The following SH3BGRL variants were observed in gnomAD, a reference collection of about 807,000 sequenced individuals.
SH3BGRL encodes adapter SH3BGRL.
SH3BGRL carries 7 observed loss-of-function variants against 9.8 expected under a neutral mutation model. The ratio of observed to expected loss-of-function variants is 0.72; its 90% CI spans 0.41 to 1.35. SH3BGRL has a LOEUF of 1.35. Ranked by LOEUF, SH3BGRL falls within the 40% of genes most tolerant of loss-of-function variation. The pLI is 0.01. For missense variants in SH3BGRL, 73 were observed against 84.4 expected, an observed-to-expected ratio of 0.86 and a Z score of 0.53; for synonymous variants, 36 against 29.1, an observed-to-expected ratio of 1.24 and a Z score of -0.76.
At chrX:81,295,365 A>G (rs1185011138) in intron 3 of SH3BGRL, among the ~76,000 whole-genome samples, 1 of 111,310 alleles carries the variant, frequency 9.0e-6, no homozygotes, top group Non-Finnish European at 1.9e-5. Context: ...GTAGTGAATA[A>G]ATCTCACCAG....
At chrX:81,250,738 A>G (rs893720814) in intron 1 of SH3BGRL, among the ~76,000 whole-genome samples, 2 of 112,132 alleles carry the variant, frequency 1.8e-5, no homozygotes, top group Non-Finnish European at 3.8e-5. Flanking sequence ...CAGAATTTAG[A>G]CCTTAGTTTA....
intron 3 of SH3BGRL, among the ~76,000 whole-genome samples, chrX:81,280,831 T>G (rs2075814391): frequency 9.0e-6 from 1 of 111,065 alleles, no homozygotes. Context: ...ATCCCTGATT[T>G]ACCTGAAAAA....
At chrX:81,254,000 G>C (rs1394538651) in intron 1 of SH3BGRL, among the ~76,000 whole-genome samples, 4 of 111,530 alleles carry the variant, frequency 3.6e-5, no homozygotes, top group African/African-American at 1.3e-4. Flanking sequence ...TGCTGTATCT[G>C]TGGCCCAGGG....
intron 1 of SH3BGRL, among the ~76,000 whole-genome samples, chrX:81,231,410 A>T (rs1226038199): frequency 8.9e-6 from 1 of 112,426 alleles, no homozygotes; most frequent in Non-Finnish European, 1.9e-5. Flanking sequence ...TATTTTCTCT[A>T]TAATGTTAGC....
At chrX:81,260,690 G>A (rs183498875) in intron 1 of SH3BGRL, among the ~76,000 whole-genome samples, 5 of 110,778 alleles carry the variant, frequency 4.5e-5, no homozygotes, top group Admixed American at 3.9e-4. Flanking sequence ...TTATCTACTA[G>A]TATGGAATTT....
intron 1 of SH3BGRL, among the ~76,000 whole-genome samples, chrX:81,260,747 T>C (rs1159928500): frequency 9.0e-6 from 1 of 111,255 alleles, no homozygotes; most frequent in Non-Finnish European, 1.9e-5. Flanking sequence ...ATAACTACTA[T>C]CTTTATTTTA....
rs72630867 is a variant in SH3BGRL, at chrX:81,286,282, T to C, written c.312+7871T>C. Among the ~76,000 whole-genome samples, 24 of 110,486 alleles carry C rather than the reference T, an allele frequency of 2.2e-4. No individual in the cohort carries two copies. In the East Asian group the frequency reaches 6.8e-3, roughly 31 times the overall value. On this transcript the variant is annotated intron_variant, in intron 3 of 3. Coordinates refer to ENST00000373212, the MANE Select transcript of SH3BGRL (RefSeq NM_003022.3). ...AAACGACTCTATTGGCAAAGGCATG[T>C]TCACTTATGTTGAAAGAATAGAGGG...
At chrX:81,242,863 C>T (rs1356800697) in intron 1 of SH3BGRL, among the ~76,000 whole-genome samples, 1 of 111,863 alleles carries the variant, frequency 8.9e-6, no homozygotes, top group Non-Finnish European at 1.9e-5. Context: ...GTTAAAATGG[C>T]TTATCTAGAA....
intron 1 of SH3BGRL, chrX:81,202,452 G>T: frequency 1.0e-6 from 1 of 990,749 alleles, no homozygotes; most frequent in East Asian, 4.3e-5. Context: ...AGCTTTGTTT[G>T]CTTCGTGACG....
intron 1 of SH3BGRL, among the ~76,000 whole-genome samples, chrX:81,205,494 G>GTA (rs1170401139): frequency 3.4e-5 from 3 of 87,846 alleles, no homozygotes; most frequent in African/African-American, 1.5e-4. Context: ...ATATGTGTGT[G>GTA]TGTGTGTGTG....
chrX:81,237,168 T>C, intron 1 of SH3BGRL: 1 of 535,625 alleles, frequency 1.9e-6, no homozygotes. Flanking sequence ...AATCATCCCC[T>C]TCACACGAAC....
intron 1 of SH3BGRL, among the ~76,000 whole-genome samples, chrX:81,203,049 A>G (rs1052519448): frequency 8.9e-6 from 1 of 111,874 alleles, no homozygotes; most frequent in African/African-American, 3.3e-5. Flanking sequence ...TTTCTCTTTC[A>G]TGGATTCACT....
chrX:81,259,555 C>G (rs973245910), intron 1 of SH3BGRL, among the ~76,000 whole-genome samples: 10 of 111,758 alleles, frequency 8.9e-5, no homozygotes, highest in Admixed American at 2.9e-4. Context: ...CTTTCAAAAT[C>G]TTAGTGTAAC....
chrX:81,212,511 C>G (rs1009784149), intron 1 of SH3BGRL, among the ~76,000 whole-genome samples: 10 of 111,507 alleles, frequency 9.0e-5, no homozygotes, highest in African/African-American at 3.3e-4. Flanking sequence ...AAAAATGTGA[C>G]TAAACATTTA....
intron 1 of SH3BGRL, among the ~76,000 whole-genome samples, chrX:81,232,604 A>ACT (rs1000055491): frequency 3.5e-4 from 38 of 108,431 alleles, no homozygotes; most frequent in African/African-American, 1.2e-3. Flanking sequence ...CTTCTCTCTC[A>ACT]CTCTCTCTCT....
intron 1 of SH3BGRL, among the ~76,000 whole-genome samples, chrX:81,231,241 A>G (rs764645738): frequency 1.9e-4 from 21 of 112,668 alleles, no homozygotes; most frequent in African/African-American, 6.8e-4. Context: ...CATCAGACGC[A>G]TGTCTAAAAA....
intron 1 of SH3BGRL, among the ~76,000 whole-genome samples, chrX:81,259,024 C>G (rs1174321884): frequency 8.9e-6 from 1 of 112,479 alleles, no homozygotes; most frequent in Non-Finnish European, 1.9e-5. Context: ...CTAACAAGAA[C>G]AGATTAATTG....
intron 3 of SH3BGRL, among the ~76,000 whole-genome samples, chrX:81,293,072 G>T (rs1018049607): frequency 8.9e-6 from 1 of 112,245 alleles, no homozygotes; most frequent in Admixed American, 9.4e-5. Context: ...GAGAGACTCA[G>T]TGGGAGATAA....
intron 3 of SH3BGRL, among the ~76,000 whole-genome samples, chrX:81,282,091 T>C (rs1361342163): frequency 4.5e-5 from 5 of 112,101 alleles, no homozygotes; most frequent in Non-Finnish European, 9.4e-5. Context: ...AAGAGGGACA[T>C]TATATAATGG....
Sources: allele counts gnomAD v4.1 joint callset (sites outside exome capture counted in the v4.1 genomes callset), GRCh38; gene constraint gnomAD v4.1.1; transcripts MANE v1.5; gene names NCBI Gene and HGNC (gene_info 2026-07-23, HGNC 2026-07-21).